EFNA5: variants seen among roughly 807,000 people sequenced by gnomAD.
EFNA5 encodes the protein ephrin-A5.
Under a neutral mutation model 22.9 loss-of-function variants are expected in EFNA5, and 5 were observed. That is an observed-to-expected ratio of 0.22 (90% CI 0.11 to 0.46). The LOEUF (loss-of-function observed/expected upper bound fraction) is 0.46, where lower values mean the gene tolerates loss of function less well. Ranked by LOEUF, EFNA5 falls within the 20% of genes least tolerant of loss-of-function variation. The pLI, the probability that EFNA5 is intolerant of heterozygous loss-of-function variation, is 0.99. For missense variants in EFNA5, 237 were observed against 293.3 expected (o/e 0.81, Z 1.40); for synonymous variants, 113 against 112.2 (o/e 1.01, Z -0.04).
At chr5:107,501,991 G>A (rs1187041362) in intron 1 of EFNA5, among the ~76,000 whole-genome samples, 1 of 152,166 alleles carries the variant, frequency 6.6e-6, no homozygotes, top group Non-Finnish European at 1.5e-5. Flanking sequence ...TTTAAAAGCT[G>A]ATGTCAGTGA....
chr5:107,481,704 G>A (rs1249333931), intron 1 of EFNA5, among the ~76,000 whole-genome samples: 1 of 152,034 alleles, frequency 6.6e-6, no homozygotes, highest in Non-Finnish European at 1.5e-5. Flanking sequence ...ACACAAATTA[G>A]TTGGGTGTGG....
intron 1 of EFNA5, among the ~76,000 whole-genome samples, chr5:107,539,866 C>T (rs1285902696): frequency 6.6e-6 from 1 of 152,120 alleles, no homozygotes; most frequent in Non-Finnish European, 1.5e-5. Context: ...AGAGGGAAAT[C>T]ATGGAAAGAA....
chr5:107,416,068 C>CATTTAATGAATTCCTGA (rs1157096964), intron 2 of EFNA5, among the ~76,000 whole-genome samples: 1 of 152,228 alleles, frequency 6.6e-6, no homozygotes, highest in African/African-American at 2.4e-5. Flanking sequence ...TAAATGCCTT[C>CATTTAATGAATTCCTGA]ATCACAATTG....
chr5:107,629,539 T>C (rs1488864685), intron 1 of EFNA5, among the ~76,000 whole-genome samples: 4 of 152,262 alleles, frequency 2.6e-5, no homozygotes, highest in Middle Eastern at 3.4e-3. Flanking sequence ...GGTTCATCAA[T>C]TGTAACAAAC....
At chr5:107,615,032 C>T (rs1749886002) in intron 1 of EFNA5, among the ~76,000 whole-genome samples, 1 of 151,986 alleles carries the variant, frequency 6.6e-6, no homozygotes, top group Non-Finnish European at 1.5e-5. Flanking sequence ...CCTATGTTAA[C>T]TGCCAAAAGA....
chr5:107,542,833 T>C (rs561910405), intron 1 of EFNA5, among the ~76,000 whole-genome samples: 9 of 152,314 alleles, frequency 5.9e-5, no homozygotes, highest in African/African-American at 1.9e-4. Context: ...GAAGTGTTTT[T>C]AATCACCTAA....
chr5:107,534,847 T>C (rs749241648), intron 1 of EFNA5, among the ~76,000 whole-genome samples: 5 of 152,192 alleles, frequency 3.3e-5, no homozygotes, highest in Non-Finnish European at 7.4e-5. Flanking sequence ...ACAAAATTGA[T>C]ACAAAGGAAA....
chr5:107,456,152 T>C (rs1363979314), intron 1 of EFNA5, among the ~76,000 whole-genome samples: 2 of 152,108 alleles, frequency 1.3e-5, no homozygotes, highest in Admixed American at 6.6e-5. Flanking sequence ...AATTAAGAGC[T>C]CTGGGGTGAT....
intron 1 of EFNA5, among the ~76,000 whole-genome samples, chr5:107,510,712 G>T (rs1372371961): frequency 6.6e-6 from 1 of 152,152 alleles, no homozygotes; most frequent in Non-Finnish European, 1.5e-5. Context: ...TAAGTCATGA[G>T]GTGCTGAAGA....
intron 1 of EFNA5, among the ~76,000 whole-genome samples, chr5:107,494,593 G>C (rs1003146919): frequency 6.6e-6 from 1 of 152,228 alleles, no homozygotes; most frequent in Non-Finnish European, 1.5e-5. Flanking sequence ...CACACGGCAC[G>C]GGACTGGCAG....
chr5:107,546,506 G>A (rs1376259566), intron 1 of EFNA5, among the ~76,000 whole-genome samples: 1 of 152,162 alleles, frequency 6.6e-6, no homozygotes, highest in African/African-American at 2.4e-5. Context: ...CATTAAAAAA[G>A]ATCTCAGGCA....
intron 1 of EFNA5, among the ~76,000 whole-genome samples, chr5:107,473,539 G>C (rs1408671173): frequency 6.6e-6 from 1 of 152,108 alleles, no homozygotes; most frequent in South Asian, 2.1e-4. Flanking sequence ...TGAAAATACA[G>C]GTAGCCTAAC....
chr5:107,455,329 C>G (rs1382426570), intron 1 of EFNA5, among the ~76,000 whole-genome samples: 2 of 152,158 alleles, frequency 1.3e-5, no homozygotes, highest in African/African-American at 4.8e-5. Context: ...TCTCTACTCC[C>G]CCTCTTCACT....
chr5:107,488,599 G>A (rs1746708846), intron 1 of EFNA5, among the ~76,000 whole-genome samples: 1 of 152,180 alleles, frequency 6.6e-6, no homozygotes, highest in Non-Finnish European at 1.5e-5. Context: ...CCATTCAGAA[G>A]CTATACCTGG....
chr5:107,434,657 G>A (rs1177511296), intron 1 of EFNA5, among the ~76,000 whole-genome samples: 1 of 152,214 alleles, frequency 6.6e-6, no homozygotes, highest in Non-Finnish European at 1.5e-5. Flanking sequence ...AAGCTCCTGA[G>A]TGAAGTTTCT....
chr5:107,471,062 AG>A (rs1750127040), intron 1 of EFNA5, among the ~76,000 whole-genome samples: 1 of 152,112 alleles, frequency 6.6e-6, no homozygotes, highest in African/African-American at 2.4e-5. Flanking sequence ...ATTACCTTCT[AG>A]CTGGTCTCAC....
chr5:107,399,134 T>C (rs925985963), intron 2 of EFNA5, among the ~76,000 whole-genome samples: 1 of 151,760 alleles, frequency 6.6e-6, no homozygotes, highest in African/African-American at 2.4e-5. Context: ...TCTGTAAGAG[T>C]GTGGGGTCCC....
intron 1 of EFNA5, among the ~76,000 whole-genome samples, chr5:107,580,432 C>T (rs1285903720): frequency 6.6e-6 from 1 of 152,102 alleles, no homozygotes; most frequent in Non-Finnish European, 1.5e-5. Flanking sequence ...CAGCACAATA[C>T]TTACACCCTT....
intron 1 of EFNA5, among the ~76,000 whole-genome samples, chr5:107,585,654 T>C (rs1229241439): frequency 6.6e-6 from 1 of 152,184 alleles, no homozygotes; most frequent in African/African-American, 2.4e-5. Context: ...TGAAGGTAAC[T>C]ACAAGAAAAG....
Sources: allele counts gnomAD v4.1 joint callset (sites outside exome capture counted in the v4.1 genomes callset), GRCh38; gene constraint gnomAD v4.1.1; transcripts MANE v1.5; gene names NCBI Gene and HGNC (gene_info 2026-07-23, HGNC 2026-07-21).